The following TTC9C variants were observed in gnomAD, a reference collection of about 807,000 sequenced individuals.
TTC9C encodes the protein tetratricopeptide repeat protein 9C.
TTC9C carries 15 observed loss-of-function variants against 22.5 expected under a neutral mutation model. The ratio of observed to expected loss-of-function variants is 0.67; its 90% CI spans 0.45 to 1.03. The LOEUF (loss-of-function observed/expected upper bound fraction) is 1.03. TTC9C is among the 50% of genes least tolerant of loss of function. The probability of loss-of-function intolerance (pLI) is 0.00; values close to 1 mark genes in which losing one functional copy is unlikely to be tolerated. For missense variants in TTC9C, 244 were observed against 214.6 expected (o/e 1.14, Z -0.86); for synonymous variants, 92 against 86.8 (o/e 1.06, Z -0.33).
At chr11:62,738,091 G>A (rs2083931894) in intron 2 of TTC9C, among the ~76,000 whole-genome samples, 197 bp from the exon 3 acceptor site, 1 of 142,238 alleles carries the variant, frequency 7.0e-6, no homozygotes, top group Middle Eastern at 3.4e-3. Flanking sequence ...TTAGCAGCCG[G>A]GACAGAGATT....
intron 2 of TTC9C, among the ~76,000 whole-genome samples, 186 bp from the exon 3 acceptor site, chr11:62,738,102 G>GT (rs34665194): frequency 2.6e-5 from 4 of 151,530 alleles, no homozygotes; most frequent in Admixed American, 6.6e-5. Context: ...GACAGAGATT[G>GT]TTTTTTTTCA....
chr11:62,728,338 GT>G (rs1243505247), upstream of TTC9C: 1 of 360,840 alleles, frequency 2.8e-6, no homozygotes, highest in Non-Finnish European at 5.5e-6. Context: ...CGGCTTCCCA[GT>G]TTATTTATTG....
rs147492641 is a variant in TTC9C at position 62,728,887 on chromosome 11, G to A, written c.39G>A (p.Glu13=). The change falls in exon 1 of 3, where the codon GAG becomes GAA. Residue 13 remains glutamate, a synonymous_variant. Coordinates refer to ENST00000316461, the MANE Select transcript of TTC9C (RefSeq NM_173810.4). The part of the protein sequence containing the change: ...KRLQEAQLYK[E]EGNQRYREGK... ...TGCAGGAGGCTCAGCTGTACAAGGA[G>A]GAAGGGAACCAGCGCTACCGGGAAG... The A allele has an allele frequency of 3.5e-5, 56 of 1,614,206 alleles. No homozygotes were observed. Among genetic ancestry groups the A allele is most frequent in the East Asian group, 2.9e-4 (13 of 44,888 alleles).
At chr11:62,736,533 A>C (rs892770071) in intron 2 of TTC9C, among the ~76,000 whole-genome samples, 1 of 151,728 alleles carries the variant, frequency 6.6e-6, no homozygotes, top group Admixed American at 6.6e-5. Flanking sequence ...TCTCTATTAA[A>C]AATACAAAAA....
At chr11:62,733,206 A>G (rs2083872663) in intron 1 of TTC9C, 1 of 1,269,046 alleles carries the variant, frequency 7.9e-7, no homozygotes, top group Non-Finnish European at 1.0e-6. Flanking sequence ...GCAGGTTTGT[A>G]TTTCAAGGTC....
rs925355343 is a variant in TTC9C, at chr11:62,728,568, C to T, written c.-281C>T. Reference sequence around the variant, plus strand: ...CTTCGGAAAGTCTCATCCACCCCCACATCGCCTCTTTAGGAAGTCACTTAA... The same window carrying T: ...CTTCGGAAAGTCTCATCCACCCCCATATCGCCTCTTTAGGAAGTCACTTAA... On this transcript the variant is annotated 5_prime_UTR_variant, in exon 1 of 3. Coordinates refer to ENST00000316461, the MANE Select transcript of TTC9C (RefSeq NM_173810.4). 4 of 551,176 alleles carry T rather than the reference C, an allele frequency of 7.3e-6. No homozygotes were observed. The Admixed American group carries it at 8.8e-5, about 12-fold the overall frequency. 34.1% of individuals were successfully genotyped at this position (551,176 alleles called of 1,614,324 possible). A position where few individuals can be genotyped will look rare whatever the true frequency, so the allele number is the denominator to read the frequency against.
chr11:62,734,974 G>A (rs929811824), intron 1 of TTC9C, among the ~76,000 whole-genome samples: 2 of 152,150 alleles, frequency 1.3e-5, no homozygotes, highest in African/African-American at 4.8e-5. Context: ...TCGGCTCACC[G>A]AAACCTCCGT....
At chr11:62,736,907 G>A (rs189839009) in intron 2 of TTC9C, among the ~76,000 whole-genome samples, 16 of 151,604 alleles carry the variant, frequency 1.1e-4, no homozygotes, top group African/African-American at 3.6e-4. Flanking sequence ...GTCTTTAAGA[G>A]TGATTGGAGG....
rs1296650318 is a variant in TTC9C at position 62,728,506 on chromosome 11, GC to G, written c.-340del. The G allele has an allele frequency of 4.1e-6, 2 of 483,756 alleles. No individual in the cohort carries two copies. The highest frequency in any genetic ancestry group is 8.1e-6 in the Non-Finnish European group (2 of 245,614). The allele number at this position is 483,756 out of a possible 1,614,324, so 30.0% of individuals were successfully genotyped here. A position where few individuals can be genotyped will look rare whatever the true frequency, so the allele number is the denominator to read the frequency against. On this transcript the variant is annotated 5_prime_UTR_variant, in exon 1 of 3. Transcript: ENST00000316461. ...AAGCCAGTGTCCCAGGCGTTCTCAC[GC>G]CCGCAACAATTCCTGAGTAGGGCCT...
chr11:62,735,062 A>T (rs1035893815), intron 1 of TTC9C, among the ~76,000 whole-genome samples: 2 of 151,688 alleles, frequency 1.3e-5, no homozygotes, highest in Non-Finnish European at 2.9e-5. Context: ...ACACCTGGCT[A>T]ATTTTTATTT....
At position 62,728,656 on chromosome 11, in the gene TTC9C, G is replaced by C. The variant is rs1438032000; in HGVS notation, c.-193G>C. On this transcript the variant is annotated 5_prime_UTR_variant, in exon 1 of 3. Transcript: ENST00000316461. ...ACTTGCCTGCACTTCTTGAGAAAAA[G>C]ACTGCAGAAAGGAGAGGTGGGGCTT... 4.3e-6 allele frequency: 3 copies of C among 697,146 alleles called. No individual in the cohort carries two copies. The African/African-American group carries it at 5.2e-5, about 12-fold the overall frequency. The allele number at this position is 697,146 out of a possible 1,614,324, so 43.2% of individuals were successfully genotyped here. A position where few individuals can be genotyped will look rare whatever the true frequency, so the allele number is the denominator to read the frequency against.
intron 1 of TTC9C, chr11:62,733,292 A>G: frequency 1.7e-6 from 1 of 594,650 alleles, no homozygotes; most frequent in East Asian, 8.7e-5. Flanking sequence ...GAGTTAGACA[A>G]CACTTCATTC....
At chr11:62,732,145 G>A (rs1419931522) in intron 1 of TTC9C, among the ~76,000 whole-genome samples, 7 of 149,372 alleles carry the variant, frequency 4.7e-5, no homozygotes, top group African/African-American at 1.5e-4. Context: ...ACAGGCGCCC[G>A]CCACCACGCC....
intron 1 of TTC9C, among the ~76,000 whole-genome samples, chr11:62,730,427 A>C (rs1340352266): frequency 6.6e-6 from 1 of 152,040 alleles, no homozygotes; most frequent in Non-Finnish European, 1.5e-5. Flanking sequence ...TCATTTACAG[A>C]TATCTGCCAT....
chr11:62,735,273 G>A lies in TTC9C; in HGVS notation c.239-109G>A. 1.4e-6 allele frequency: 2 copies of A among 1,414,778 alleles called. 1 individual carries two copies. Among genetic ancestry groups the A allele is most frequent in the African/African-American group, 2.9e-5 (2 of 69,846 alleles). 87.6% of individuals were successfully genotyped at this position (1,414,778 alleles called of 1,614,324 possible). On this transcript the variant is annotated intron_variant, in intron 1 of 2. Coordinates refer to ENST00000316461, the MANE Select transcript of TTC9C (RefSeq NM_173810.4). ...GCATATGGGAGACACTTTAGCATTT[G>A]TTGACTGAATGTTGTTACCACCCTG...
At chr11:62,731,129 G>T (rs1265895897) in intron 1 of TTC9C, among the ~76,000 whole-genome samples, 1 of 146,628 alleles carries the variant, frequency 6.8e-6, no homozygotes, top group African/African-American at 2.5e-5. Context: ...CCTCAGGTGA[G>T]CCACCCACCT....
At position 62,735,460 on chromosome 11, in the gene TTC9C, A is replaced by G; in HGVS notation, c.317A>G (p.Asp106Gly). ...CAGAAAGTCCTGGAACGACAGCCTG[A>G]TAATGCCAAGGCCTTGTATCGGGCC... ...YSQKVLERQP[D>G]NAKALYRAGV... The change falls in exon 2 of 3, where the codon GAT becomes GGT. Residue 106 changes from aspartate to glycine, a missense_variant. Physicochemically the swap from Asp to Gly is moderately conservative, Grantham distance 94 (BLOSUM62 -1). Coordinates refer to ENST00000316461, the MANE Select transcript of TTC9C (RefSeq NM_173810.4). 4.3e-6 allele frequency: 7 copies of G among 1,614,162 alleles called. No individual in the cohort carries two copies. Among genetic ancestry groups the G allele is most frequent in the Non-Finnish European group, 5.9e-6 (7 of 1,180,024 alleles).
chr11:62,729,005 G>C lies in TTC9C; in HGVS notation c.157G>C (p.Gly53Arg). Reference protein sequence around the residue: ...PSLPSPLPNLGPQGPALTPEQ... With the variant: ...PSLPSPLPNLRPQGPALTPEQ... ...TCTGCCCTCTCCGTTACCTAATCTC[G>C]GACCTCAGGGCCCGGCCCTCACGCC... Residue 53 changes from glycine to arginine, a missense_variant, in exon 1 of 3, where the codon GGA becomes CGA. Gly to Arg is a moderately radical substitution (Grantham distance 125). Coordinates refer to ENST00000316461, the MANE Select transcript of TTC9C (RefSeq NM_173810.4). 1 of 1,614,012 alleles carries C rather than the reference G, an allele frequency of 6.2e-7. No homozygotes were observed. Among genetic ancestry groups the C allele is most frequent in the Non-Finnish European group, 8.5e-7 (1 of 1,180,016 alleles).
intron 1 of TTC9C, among the ~76,000 whole-genome samples, chr11:62,731,839 G>A (rs1353253576): frequency 1.3e-5 from 2 of 149,936 alleles, no homozygotes; most frequent in East Asian, 4.0e-4. Flanking sequence ...CCACCACCAC[G>A]CCCAGCTAAT....
Sources: allele counts gnomAD v4.1 joint callset (sites outside exome capture counted in the v4.1 genomes callset), GRCh38; gene constraint gnomAD v4.1.1; transcripts MANE v1.5; gene names NCBI Gene and HGNC (gene_info 2026-07-23, HGNC 2026-07-21).